SNPH: variants seen among roughly 807,000 people sequenced by gnomAD.
SNPH encodes the protein syntaphilin.
In SNPH, 10 loss-of-function variants were observed where a neutral mutation model predicts 36.8. The ratio of observed to expected loss-of-function variants is 0.27; its 90% CI spans 0.17 to 0.46. The LOEUF is 0.46. SNPH is among the 20% of genes least tolerant of loss of function. The pLI is 1.00. For missense variants in SNPH, 622 were observed against 744.0 expected (o/e 0.84, Z 1.91); for synonymous variants, 281 against 312.2 (o/e 0.90, Z 1.05).
At chr20:1,295,427 C>T (rs762231261) in intron 3 of SNPH, among the ~76,000 whole-genome samples, 7 of 152,172 alleles carry the variant, frequency 4.6e-5, no homozygotes, top group Non-Finnish European at 8.8e-5. Flanking sequence ...TCTCTAGGCA[C>T]GAACGCTTCC....
intron 2 of SNPH, among the ~76,000 whole-genome samples, chr20:1,281,636 G>A (rs75573818): frequency 1.3e-5 from 2 of 152,156 alleles, no homozygotes; most frequent in South Asian, 4.1e-4. Context: ...GCAGCTCCTG[G>A]GTACCTGGAG....
Position 1,305,886 on chromosome 20 carries a change from G to A in SNPH, c.1449G>A (p.Thr483=), listed in dbSNP as rs781031948. 4.5e-5 allele frequency: 72 copies of A among 1,597,824 alleles called. No homozygotes were observed. Among genetic ancestry groups the A allele is most frequent in the Admixed American group, 2.2e-4 (13 of 57,886 alleles). The change falls in exon 7 of 7, where the codon ACG becomes ACA. Residue 483 remains threonine (T), a synonymous_variant. Transcript: ENST00000381867. The part of the protein sequence containing the change: ...LLAVVVPAVP[T]VAWLCRSQRR... ...CTGTGGTGGTGCCGGCCGTGCCCAC[G>A]GTGGCCTGGCTTTGCCGCTCCCAGC...
In SNPH at chr20:1,297,259, G is replaced by A. The variant is rs747559612; in HGVS notation, c.290+7G>A. 1.9e-6 allele frequency: 3 copies of A among 1,612,606 alleles called. No homozygotes were observed. Among genetic ancestry groups the A allele is most frequent in the Non-Finnish European group, 2.5e-6 (3 of 1,179,452 alleles). On this transcript the variant is annotated splice_region_variant and intron_variant, in intron 5 of 6. Coordinates refer to ENST00000381867, the MANE Select transcript of SNPH (RefSeq NM_001318234.2). ...ACAGCAGTCCCACGCCAAGGTAATT[G>A]GCCCCTCCTCTCTGGGCCTGGCCCT...
intron 4 of SNPH, 48 bp downstream of exon 4, chr20:1,296,469 G>T: frequency 1.3e-6 from 2 of 1,508,100 alleles, no homozygotes; most frequent in Non-Finnish European, 1.8e-6. Context: ...GGCGGGAGGA[G>T]GGCGCACGGG....
Position 1,266,610 on chromosome 20 carries a change from C to A in SNPH, c.-599-44C>A, listed in dbSNP as rs1455959708. ...CTCAGCTGCCTGGGTGTTCCCCGCC[C>A]GCGCTCACCCGCCCCGGTCTATCTC... On this transcript the variant is annotated intron_variant, in intron 1 of 6. Coordinates refer to ENST00000381867, the MANE Select transcript of SNPH (RefSeq NM_001318234.2). This position sits in a 1 kb window ranked among gnomAD's most constrained non-coding sequence, Gnocchi z 6.0. 3 of 1,435,628 alleles carry A rather than the reference C, an allele frequency of 2.1e-6. No homozygotes were observed. The highest frequency in any genetic ancestry group is 2.7e-6 in the Non-Finnish European group (3 of 1,099,146). The allele number at this position is 1,435,628 out of a possible 1,614,324, so 88.9% of individuals were successfully genotyped here. A position where few individuals can be genotyped will look rare whatever the true frequency, so the allele number is the denominator to read the frequency against.
chr20:1,273,594 C>T (rs2088096886), intron 2 of SNPH, among the ~76,000 whole-genome samples: 1 of 152,110 alleles, frequency 6.6e-6, no homozygotes, highest in Admixed American at 6.5e-5. Flanking sequence ...ACAACAGCTG[C>T]CATTTGACTG....
chr20:1,300,665 C>A lies in SNPH; in HGVS notation c.394C>A (p.His132Asn). The A allele has an allele frequency of 6.2e-7, 1 of 1,612,842 alleles. No homozygotes were observed. Among genetic ancestry groups the A allele is most frequent in the Non-Finnish European group, 8.5e-7 (1 of 1,180,004 alleles). ...PLQQKEVCIR[H>N]LKARLKDTQD... ...GCAGCAGAAGGAGGTGTGCATCCGG[C>A]ACCTGAAAGCCCGGCTGAAGGACAC... is the stretch of plus-strand genomic sequence containing the variant. The change falls in exon 6 of 7, where the codon CAC becomes AAC. Residue 132 changes from histidine to asparagine, a missense_variant. Physicochemically the swap from His to Asn is moderately conservative, Grantham distance 68. Around this residue, in one of 3 missense-constraint regions of SNPH, gnomAD observed 187 missense variants for 209.4 expected, o/e 0.89. Transcript: ENST00000381867.
chr20:1,305,301 C>T lies in SNPH; in HGVS notation c.864C>T (p.Gly288=), dbSNP rs769275894. Residue 288 remains glycine, a synonymous_variant, in exon 7 of 7, where the codon GGC becomes GGT. Transcript: ENST00000381867. Reference sequence around the variant, plus strand: ...CTGCTGAGGATGGGGCAGACAGTGGCTTTGCAGCAGCCGATGACACACTGA... The same window carrying T: ...CTGCTGAGGATGGGGCAGACAGTGGTTTTGCAGCAGCCGATGACACACTGA... ...SGSAEDGADS[G]FAAADDTLSR... The T allele has an allele frequency of 6.8e-6, 11 of 1,610,360 alleles. No homozygotes were observed. In the South Asian group the frequency reaches 1.1e-4, roughly 16 times the overall value.
intron 2 of SNPH, among the ~76,000 whole-genome samples, chr20:1,286,627 T>C (rs902525529): frequency 1.3e-5 from 2 of 152,198 alleles, no homozygotes; most frequent in African/African-American, 2.4e-5. Flanking sequence ...TATGGCTCCA[T>C]TGTGGCCTTT....
At chr20:1,281,549 T>G (rs912029157) in intron 2 of SNPH, among the ~76,000 whole-genome samples, 1 of 152,200 alleles carries the variant, frequency 6.6e-6, no homozygotes, top group Non-Finnish European at 1.5e-5. Context: ...CCCAGCCCCC[T>G]GTAGCTCTCT....
At chr20:1,280,761 G>A (rs760683759) in intron 2 of SNPH, among the ~76,000 whole-genome samples, 2 of 152,170 alleles carry the variant, frequency 1.3e-5, no homozygotes, top group African/African-American at 2.4e-5. Context: ...ATGGAATGGG[G>A]TTCTCAGAAC....
At chr20:1,297,116 G>T in intron 4 of SNPH, 29 bp from the exon 5 acceptor site, 1 of 1,596,900 alleles carries the variant, frequency 6.3e-7, no homozygotes, top group South Asian at 1.1e-5. Flanking sequence ...CAGCCAGAAC[G>T]AGCACCTGCC....
Position 1,304,624 on chromosome 20 carries a change from G to T in SNPH, c.441-254G>T, listed in dbSNP as rs2088543555. Among the ~76,000 whole-genome samples, 1 of 152,074 alleles carries T rather than the reference G, an allele frequency of 6.6e-6. No individual in the cohort carries two copies. Among genetic ancestry groups the T allele is most frequent in the Non-Finnish European group, 1.5e-5 (1 of 68,004 alleles). ...TGGGGTGGGGGAGGGAATGCGAGTG[G>T]TGTCTCCTCCCAACCTTTCTTCTCT... On this transcript the variant is annotated intron_variant, in intron 6 of 6. Transcript: ENST00000381867. The surrounding 1 kb of genome is among the most constrained non-coding windows in gnomAD (Gnocchi z 4.3).
In SNPH at chr20:1,285,318, CT is replaced by C. The variant is rs1189347222; in HGVS notation, c.-492-9630del. Among the ~76,000 whole-genome samples the C allele has an allele frequency of 6.6e-6, 1 of 152,100 alleles. No individual in the cohort carries two copies. The highest frequency in any genetic ancestry group is 1.5e-5 in the Non-Finnish European group (1 of 67,996). On this transcript the variant is annotated intron_variant, in intron 2 of 6. Coordinates refer to ENST00000381867, the MANE Select transcript of SNPH (RefSeq NM_001318234.2). The surrounding 1 kb of genome is among the most constrained non-coding windows in gnomAD (Gnocchi z 4.9). ...AGACAATGACCGGTTTAGGGTTTTT[CT>C]TTCCTTTTCTTTTTTTGCAAGTAGA...
intron 2 of SNPH, among the ~76,000 whole-genome samples, chr20:1,278,317 C>A (rs2088177623): frequency 6.6e-6 from 1 of 151,954 alleles, no homozygotes; most frequent in Admixed American, 6.6e-5. Flanking sequence ...TAAGACAACT[C>A]CTGTTTGCTA....
At chr20:1,278,036 GTATGTGTGCC>G (rs1600247788) in intron 2 of SNPH, among the ~76,000 whole-genome samples, 1 of 124,348 alleles carries the variant, frequency 8.0e-6, no homozygotes, top group South Asian at 3.3e-4. Flanking sequence ...GTGTGTCTGT[GTATGTGTGCC>G]TGTGTGTGTG....
In SNPH at chr20:1,276,468, G is replaced by A. The variant is rs1256313384; in HGVS notation, c.-493+9708G>A. ...TCCGTCTCTGCCGTGGACTGACTTTGTGACTGGGCAAGTCACTTAATTTAT... is the reference window on the plus strand; with the variant it reads ...TCCGTCTCTGCCGTGGACTGACTTTATGACTGGGCAAGTCACTTAATTTAT... On this transcript the variant is annotated intron_variant, in intron 2 of 6. Coordinates refer to ENST00000381867, the MANE Select transcript of SNPH (RefSeq NM_001318234.2). This position sits in a 1 kb window ranked among gnomAD's most constrained non-coding sequence, Gnocchi z 4.6. 6.6e-6 allele frequency among the ~76,000 whole-genome samples: 1 copy of A among 152,166 alleles called. No homozygotes were observed. Among genetic ancestry groups the A allele is most frequent in the East Asian group, 1.9e-4 (1 of 5,188 alleles).
intron 2 of SNPH, among the ~76,000 whole-genome samples, chr20:1,270,844 C>G (rs150101597): frequency 6.6e-6 from 1 of 152,322 alleles, no homozygotes; most frequent in East Asian, 1.9e-4. Context: ...CTCAGCAGGG[C>G]TTGGTTCATA....
At chr20:1,287,081 C>T (rs1732761247) in intron 2 of SNPH, among the ~76,000 whole-genome samples, 2 of 152,178 alleles carry the variant, frequency 1.3e-5, no homozygotes, top group South Asian at 2.1e-4. Context: ...TTCCTTTTAA[C>T]ATTCCTTTTA....
Sources: allele counts gnomAD v4.1 joint callset (sites outside exome capture counted in the v4.1 genomes callset), GRCh38; gene constraint gnomAD v4.1.1; regional missense constraint gnomAD v4.1.1; non-coding constraint Gnocchi (gnomAD v3.1); transcripts MANE v1.5; gene names NCBI Gene and HGNC (gene_info 2026-07-23, HGNC 2026-07-21).